PCDHGB2: variants seen among roughly 807,000 people sequenced by gnomAD.
PCDHGB2 encodes the protein protocadherin gamma-B2.
Under a neutral mutation model 59.3 loss-of-function variants are expected in PCDHGB2, and 55 were observed. The observed-to-expected ratio is 0.93, with a 90% CI of 0.75 to 1.16. PCDHGB2 has a LOEUF of 1.16. Among genes scored for constraint, PCDHGB2 ranks in the 50% most tolerant of loss-of-function variants. PCDHGB2 has a pLI of 0.00. For synonymous variants in PCDHGB2, 516 were observed against 512.0 expected (o/e 1.01, Z -0.11); for missense variants, 1,228 against 1,198.5 (o/e 1.02, Z -0.36).
rs752145084 is a variant in PCDHGB2 at position 141,489,550 on chromosome 5, C to T, written c.2422-5257C>T. On this transcript the variant is annotated intron_variant, in intron 1 of 3. Coordinates refer to ENST00000522605, the MANE Select transcript of PCDHGB2 (RefSeq NM_018923.3). This position sits in a 1 kb window ranked among gnomAD's most constrained non-coding sequence, Gnocchi z 4.5. ...ATGTGGAGCCAGCACCAGCTGCCTGCTGCCAGTGCAGGTGGTGACTGAACA... is the reference window on the plus strand; with the variant it reads ...ATGTGGAGCCAGCACCAGCTGCCTGTTGCCAGTGCAGGTGGTGACTGAACA... The T allele has an allele frequency of 1.2e-6, 2 of 1,614,132 alleles. No homozygotes were observed. The highest frequency in any genetic ancestry group is 1.7e-5 in the Admixed American group (1 of 60,030).
chr5:141,362,244 C>T lies in PCDHGB2; in HGVS notation c.2109C>T (p.Phe703=), dbSNP rs1380837904. The change falls in exon 1 of 4, where the codon TTC becomes TTT. Residue 703 remains phenylalanine (F), a synonymous_variant. Coordinates refer to ENST00000522605, the MANE Select transcript of PCDHGB2 (RefSeq NM_018923.3). ...VVALALISVL[F]FLAVILAISL... is the part of the protein sequence containing the mutation. ...CCTTGGCCTTGATCTCAGTGCTCTT[C>T]TTCCTCGCGGTGATTCTGGCAATCT... The T allele has an allele frequency of 2.5e-6, 4 of 1,613,944 alleles. No individual in the cohort carries two copies. Among genetic ancestry groups the T allele is most frequent in the Admixed American group, 3.3e-5 (2 of 60,010 alleles).
Position 141,491,756 on chromosome 5 carries a change from C to T in PCDHGB2, c.2422-3051C>T. The T allele has an allele frequency of 1.3e-6, 2 of 1,581,720 alleles. No individual in the cohort carries two copies. Among genetic ancestry groups the T allele is most frequent in the Non-Finnish European group, 8.6e-7 (1 of 1,165,100 alleles). ...CCTGGGGGCGGCACTGGAGAAGCCG[C>T]CCGTCCTCATAAGGGATTGAACTTG... On this transcript the variant is annotated intron_variant, in intron 1 of 3. Coordinates refer to ENST00000522605, the MANE Select transcript of PCDHGB2 (RefSeq NM_018923.3). This position sits in a 1 kb window ranked among gnomAD's most constrained non-coding sequence, Gnocchi z 6.9.
intron 1 of PCDHGB2, among the ~76,000 whole-genome samples, chr5:141,406,591 A>T (rs559975786): frequency 6.6e-6 from 1 of 152,164 alleles, no homozygotes; most frequent in African/African-American, 2.4e-5. Flanking sequence ...TTTCCCTTTA[A>T]TGGTGAAAGT....
intron 1 of PCDHGB2, among the ~76,000 whole-genome samples, chr5:141,448,861 C>T (rs1017826063): frequency 2.0e-5 from 3 of 152,118 alleles, no homozygotes; most frequent in African/African-American, 7.2e-5. Flanking sequence ...AGGAGAATGG[C>T]GTGAACCTGG....
chr5:141,399,937 G>A lies in PCDHGB2; in HGVS notation c.2421+37381G>A. 1.9e-6 allele frequency: 3 copies of A among 1,612,360 alleles called. No individual in the cohort carries two copies. The highest frequency in any genetic ancestry group is 2.5e-6 in the Non-Finnish European group (3 of 1,179,744). ...ACACAACGCCTGGCTGTCCTACCAC[G>A]TGCTGCAGGCTAGCGAGCCCGGGCT... On this transcript the variant is annotated intron_variant, in intron 1 of 3. Transcript: ENST00000522605.
At chr5:141,425,745 G>A (rs776065455) in intron 1 of PCDHGB2, among the ~76,000 whole-genome samples, 26 of 152,100 alleles carry the variant, frequency 1.7e-4, no homozygotes, top group Non-Finnish European at 2.9e-4. Flanking sequence ...TTCCCACAAG[G>A]TTTTTGTTCT....
chr5:141,364,254 G>A, intron 1 of PCDHGB2: 1 of 1,492,278 alleles, frequency 6.7e-7, no homozygotes, highest in Non-Finnish European at 8.9e-7. Flanking sequence ...CAGGGAATAT[G>A]TACCCATCGG....
In PCDHGB2 at chr5:141,374,330, A is replaced by G. The variant is rs774789215; in HGVS notation, c.2421+11774A>G. Reference sequence around the variant, plus strand: ...TTTCTCTCTGAATCCGCGAAACGGCAGCTTGGTCACCGCGGGTAGGATAGA... The same window carrying G: ...TTTCTCTCTGAATCCGCGAAACGGCGGCTTGGTCACCGCGGGTAGGATAGA... On this transcript the variant is annotated intron_variant, in intron 1 of 3. Coordinates refer to ENST00000522605, the MANE Select transcript of PCDHGB2 (RefSeq NM_018923.3). 138 of 1,613,872 alleles carry G rather than the reference A, an allele frequency of 8.6e-5. No homozygotes were observed. Among genetic ancestry groups the G allele is most frequent in the Non-Finnish European group, 1.1e-4 (130 of 1,179,866 alleles).
chr5:141,414,789 C>T, intron 1 of PCDHGB2: 1 of 1,614,218 alleles, frequency 6.2e-7, no homozygotes, highest in East Asian at 2.2e-5. Context: ...AGGTGACAGC[C>T]AGCGACAGCG....
chr5:141,372,278 G>C (rs756938433), intron 1 of PCDHGB2: 2 of 1,613,032 alleles, frequency 1.2e-6, no homozygotes, highest in Admixed American at 1.7e-5. Flanking sequence ...AGGTGCGCAC[G>C]GCGCGTACCT....
At chr5:141,417,460 A>G (rs1160577617) in intron 1 of PCDHGB2, 1 of 180,404 alleles carries the variant, frequency 5.5e-6, no homozygotes, top group Non-Finnish European at 1.1e-5. Flanking sequence ...GACCAAGTGG[A>G]AATATATTTC....
At chr5:141,434,807 A>G (rs2097718601) in intron 1 of PCDHGB2, among the ~76,000 whole-genome samples, 1 of 152,016 alleles carries the variant, frequency 6.6e-6, no homozygotes, top group South Asian at 2.1e-4. Context: ...AGCTTGGAGA[A>G]ATATATCCCT....
In PCDHGB2 at chr5:141,432,184, C is replaced by G; in HGVS notation, c.2422-62623C>G. 1 of 1,614,164 alleles carries G rather than the reference C, an allele frequency of 6.2e-7. No individual in the cohort carries two copies. The highest frequency in any genetic ancestry group is 2.2e-5 in the East Asian group (1 of 44,872). On this transcript the variant is annotated intron_variant, in intron 1 of 3. Coordinates refer to ENST00000522605, the MANE Select transcript of PCDHGB2 (RefSeq NM_018923.3). This position sits in a 1 kb window ranked among gnomAD's most constrained non-coding sequence, Gnocchi z 6.0. Reference sequence around the variant, plus strand: ...GAGGAGTTTCCCTCGTCTCTGTGACCGCCCACGACCCCGACTGTGAAGAGA... The same window carrying G: ...GAGGAGTTTCCCTCGTCTCTGTGACGGCCCACGACCCCGACTGTGAAGAGA...
At position 141,476,666 on chromosome 5, in the gene PCDHGB2, G is replaced by A. The variant is rs2099395856; in HGVS notation, c.2422-18141G>A. On this transcript the variant is annotated intron_variant, in intron 1 of 3. Coordinates refer to ENST00000522605, the MANE Select transcript of PCDHGB2 (RefSeq NM_018923.3). The surrounding 1 kb of genome is among the most constrained non-coding windows in gnomAD (Gnocchi z 7.6). The stretch of plus-strand genomic sequence containing the variant: ...CCGAAATGAATACTTTGCGCTTCGC[G>A]TGCAGACGCGGGAGGACAGCACCAA... 6.2e-7 allele frequency: 1 copy of A among 1,614,128 alleles called. No individual in the cohort carries two copies.
intron 1 of PCDHGB2, chr5:141,411,753 A>G (rs1006054735): frequency 6.5e-5 from 10 of 152,756 alleles, no homozygotes; most frequent in African/African-American, 2.4e-4. Context: ...GTGGTGGCAC[A>G]TGCCTGTGGT....
At chr5:141,494,780 G>A (rs1314622459) in intron 1 of PCDHGB2, 27 bp from the exon 2 acceptor site, 13 of 1,613,898 alleles carry the variant, frequency 8.1e-6, no homozygotes, top group African/African-American at 1.3e-5. Context: ...CGGGTACTCA[G>A]CCCCTTTCCC....
intron 1 of PCDHGB2, among the ~76,000 whole-genome samples, chr5:141,369,528 C>T (rs952225187): frequency 6.6e-6 from 1 of 152,120 alleles, no homozygotes; most frequent in Non-Finnish European, 1.5e-5. Context: ...TTCAATCATA[C>T]TTATTTAATT....
intron 1 of PCDHGB2, chr5:141,427,571 G>A: frequency 1.5e-6 from 1 of 662,942 alleles, no homozygotes. Flanking sequence ...GCAAGCCTCC[G>A]CTCTCATCCA....
chr5:141,511,010 A>G lies in PCDHGB2; in HGVS notation c.2633A>G (p.Tyr878Cys), dbSNP rs1286219897. 6.2e-6 allele frequency: 10 copies of G among 1,614,054 alleles called. No homozygotes were observed. Among genetic ancestry groups the G allele is most frequent in the African/African-American group, 1.3e-5 (1 of 74,916 alleles). Residue 878 changes from tyrosine to cysteine, a missense_variant, in exon 4 of 4, where the codon TAC becomes TGC. By Grantham distance (194) the Tyr-to-Cys change is radical (BLOSUM62 -2). Coordinates refer to ENST00000522605, the MANE Select transcript of PCDHGB2 (RefSeq NM_018923.3). ...GGCACCATGGGATTGAGCGCCCGCT[A>G]CGGACCCCAGTTCACCCTGCAGCAC... Reference protein sequence around the residue: ...GAGTMGLSARYGPQFTLQHVP... With the variant: ...GAGTMGLSARCGPQFTLQHVP...
Sources: allele counts gnomAD v4.1 joint callset (sites outside exome capture counted in the v4.1 genomes callset), GRCh38; gene constraint gnomAD v4.1.1; non-coding constraint Gnocchi (gnomAD v3.1); transcripts MANE v1.5; gene names NCBI Gene and HGNC (gene_info 2026-07-23, HGNC 2026-07-21).